Variants in SPINK5 observed in about 807,000 individuals in gnomAD.
SPINK5 encodes the protein serine peptidase inhibitor Kazal type 5.
A neutral mutation model predicts 151.8 loss-of-function variants in SPINK5; 125 were observed. That is an observed-to-expected ratio of 0.82 (90% CI 0.71 to 0.96). The LOEUF is 0.96. SPINK5 is among the 40% of genes least tolerant of loss of function. SPINK5 has a pLI of 0.00. For missense variants in SPINK5, 1,194 were observed against 1,291.9 expected (o/e 0.92, Z 1.16); for synonymous variants, 374 against 395.3 (o/e 0.95, Z 0.64).
intron 32 of SPINK5, chr5:148,134,148 C>G: frequency 2.1e-6 from 1 of 484,704 alleles, no homozygotes. Context: ...TCCAACATAA[C>G]GTTACTTATT....
At chr5:148,068,293 G>C (rs1051887047) in intron 2 of SPINK5, among the ~76,000 whole-genome samples, 1 of 151,944 alleles carries the variant, frequency 6.6e-6, no homozygotes, top group Admixed American at 6.6e-5. Context: ...CTGTGATATC[G>C]TTTAGTTATT....
chr5:148,094,403 G>A lies in SPINK5; in HGVS notation c.716G>A (p.Cys239Tyr). The A allele has an allele frequency of 6.2e-7, 1 of 1,612,790 alleles. No homozygotes were observed. Among genetic ancestry groups the A allele is most frequent in the Non-Finnish European group, 8.5e-7 (1 of 1,179,130 alleles). ...EKQVRNGRLF[C>Y]TRESDPVRGP... ...CAAGTGAGAAATGGAAGGCTTTTTT[G>A]TACACGGGAGAGTGATCCAGTCCGT... Residue 239 changes from cysteine to tyrosine, a missense_variant, in exon 9 of 33, where the codon TGT (cysteine) becomes TAT (tyrosine). Coordinates refer to ENST00000256084, the MANE Select transcript of SPINK5 (RefSeq NM_006846.4).
At chr5:148,106,958 G>A (rs1398443527) in intron 16 of SPINK5, 79 bp from the exon 17 acceptor site, 25 of 1,578,846 alleles carry the variant, frequency 1.6e-5, no homozygotes, top group Non-Finnish European at 1.8e-5. Flanking sequence ...TTTACTCTAC[G>A]TTACATATTC....
intron 12 of SPINK5, 121 bp from the exon 13 acceptor site, chr5:148,100,333 C>G: frequency 9.4e-7 from 1 of 1,067,726 alleles, no homozygotes; most frequent in Non-Finnish European, 1.3e-6. Flanking sequence ...TTGAGAAAAA[C>G]ACAATTAAAA....
intron 4 of SPINK5, among the ~76,000 whole-genome samples, chr5:148,073,853 C>CACAT (rs1389745947): frequency 7.2e-6 from 1 of 139,644 alleles, no homozygotes; most frequent in African/African-American, 2.9e-5. Context: ...CACACACACA[C>CACAT]ACACACACAA....
intron 21 of SPINK5, among the ~76,000 whole-genome samples, chr5:148,116,101 G>A (rs970738419): frequency 6.6e-6 from 1 of 152,088 alleles, no homozygotes; most frequent in South Asian, 2.1e-4. Context: ...GATTACAGGT[G>A]CAAACCAACA....
At chr5:148,087,708 G>C (rs1160353698) in intron 5 of SPINK5, among the ~76,000 whole-genome samples, 2 of 151,612 alleles carry the variant, frequency 1.3e-5, no homozygotes, top group African/African-American at 4.8e-5. Flanking sequence ...TTAAATCTCT[G>C]GTCCAGGTGA....
rs72660265 is a variant in SPINK5 at position 148,137,321 on chromosome 5, T to C, written c.*330T>C. 0.12 allele frequency: 48,594 copies of C among 408,650 alleles called. 4,070 individuals carry two copies. The highest frequency in any genetic ancestry group is 0.31 in the South Asian group (8,978 of 29,006). The allele number at this position is 408,650 out of a possible 1,614,324, so 25.3% of individuals were successfully genotyped here. ...GATTTCTTTGTCACTATCTGGATAA[T>C]AGATATTTGCTTTTAAAGAAACTGA... On this transcript the variant is annotated 3_prime_UTR_variant, in exon 33 of 33. Transcript: ENST00000256084.
intron 4 of SPINK5, among the ~76,000 whole-genome samples, chr5:148,078,175 A>G (rs1221544282): frequency 6.6e-6 from 1 of 151,164 alleles, no homozygotes; most frequent in Non-Finnish European, 1.5e-5. Context: ...ATAGACATTA[A>G]GACATTATTA....
At position 148,104,958 on chromosome 5, in the gene SPINK5, AG is replaced by A; in HGVS notation, c.1438del (p.Glu480LysfsTer24). On this transcript the variant is annotated frameshift_variant, in exon 16 of 33. Coordinates refer to ENST00000256084, the MANE Select transcript of SPINK5 (RefSeq NM_006846.4). LOFTEE classifies it high-confidence loss of function. ...CSMCEAFFQQ[E>X]ERARAKAKRE... ...TCTTTTCGGTTTCTTAAAGTCAACAAGAAGAAAGAGCAAGAGCAAAGGCTAA... is the reference window on the plus strand; with the variant it reads ...TCTTTTCGGTTTCTTAAAGTCAACAAAAGAAAGAGCAAGAGCAAAGGCTAA... 1 of 1,613,472 alleles carries A rather than the reference AG, an allele frequency of 6.2e-7. No homozygotes were observed. Among genetic ancestry groups the A allele is most frequent in the Non-Finnish European group, 8.5e-7 (1 of 1,179,708 alleles).
At chr5:148,105,440 G>A (rs894545654) in intron 16 of SPINK5, among the ~76,000 whole-genome samples, 2 of 152,142 alleles carry the variant, frequency 1.3e-5, no homozygotes, top group African/African-American at 2.4e-5. Flanking sequence ...TATGGAGCAA[G>A]TGGTGGTTTT....
At chr5:148,078,545 C>T (rs1287769183) in intron 4 of SPINK5, among the ~76,000 whole-genome samples, 2 of 150,672 alleles carry the variant, frequency 1.3e-5, no homozygotes, top group South Asian at 2.1e-4. Flanking sequence ...AAGGTACAAA[C>T]ATAATAAATT....
chr5:148,123,411 A>ACAT (rs1561703635), intron 26 of SPINK5, among the ~76,000 whole-genome samples: 3 of 35,166 alleles, frequency 8.5e-5, no homozygotes, highest in Non-Finnish European at 2.5e-4. Flanking sequence ...TAGATATAAT[A>ACAT]TATTATATAT....
intron 2 of SPINK5, among the ~76,000 whole-genome samples, chr5:148,069,581 T>C (rs1752683054): frequency 6.6e-6 from 1 of 152,110 alleles, no homozygotes; most frequent in South Asian, 2.1e-4. Flanking sequence ...GTGATAGTAG[T>C]GCTGATGACA....
rs374853787 is a variant in SPINK5 at position 148,064,041 on chromosome 5, C to T, written c.-4C>T. 88 of 1,614,022 alleles carry T rather than the reference C, an allele frequency of 5.5e-5. No individual in the cohort carries two copies. The highest frequency in any genetic ancestry group is 1.8e-4 in the Admixed American group (11 of 60,010). Reference sequence around the variant, plus strand: ...ACCTGTAGGCGACTTGCATCGTCTTCAACATGAAGATAGCCACAGTGTCAG... The same window carrying T: ...ACCTGTAGGCGACTTGCATCGTCTTTAACATGAAGATAGCCACAGTGTCAG... On this transcript the variant is annotated 5_prime_UTR_variant, in exon 1 of 33. Transcript: ENST00000256084.
chr5:148,133,003 C>T (rs1414950713), intron 31 of SPINK5, among the ~76,000 whole-genome samples: 4 of 152,026 alleles, frequency 2.6e-5, no homozygotes, highest in African/African-American at 4.8e-5. Context: ...CTAAATTATC[C>T]ATATAATTTT....
intron 20 of SPINK5, among the ~76,000 whole-genome samples, chr5:148,113,267 AC>A (rs1290249558): frequency 6.6e-6 from 1 of 151,760 alleles, no homozygotes; most frequent in Non-Finnish European, 1.5e-5. Flanking sequence ...CAGTTTGCAA[AC>A]CCCTGATTTA....
At chr5:148,094,041 T>A (rs1180783811) in intron 8 of SPINK5, among the ~76,000 whole-genome samples, 2 of 152,004 alleles carry the variant, frequency 1.3e-5, no homozygotes, top group Admixed American at 1.3e-4. Flanking sequence ...ATGCCTATAA[T>A]TTCAACACTT....
chr5:148,137,322 A>AGAT lies in SPINK5; in HGVS notation c.*332_*334dup, dbSNP rs1174517055. 1 of 396,032 alleles carries AGAT rather than the reference A, an allele frequency of 2.5e-6. No homozygotes were observed. Among genetic ancestry groups the AGAT allele is most frequent in the African/African-American group, 2.1e-5 (1 of 48,738 alleles). 24.5% of individuals were successfully genotyped at this position (396,032 alleles called of 1,614,324 possible). ...ATTTCTTTGTCACTATCTGGATAAT[A>AGAT]GATATTTGCTTTTAAAGAAACTGAA... is the stretch of plus-strand genomic sequence containing the variant. On this transcript the variant is annotated 3_prime_UTR_variant, in exon 33 of 33. Transcript: ENST00000256084.
Sources: gnomAD v4.1 joint callset for allele counts (sites outside exome capture counted in the v4.1 genomes callset) on GRCh38, gnomAD v4.1.1 for gene constraint, MANE v1.5 for transcripts, NCBI Gene and HGNC (gene_info 2026-07-23, HGNC 2026-07-21) for gene names.